REC114: variants seen among roughly 807,000 people sequenced by gnomAD.
REC114 encodes meiotic recombination protein REC114.
A neutral mutation model predicts 31.3 loss-of-function variants in REC114; 27 were observed. The observed-to-expected ratio is 0.86, with a 90% confidence interval of 0.64 to 1.19. REC114 has a LOEUF of 1.19. Among genes scored for constraint, REC114 ranks in the 50% most tolerant of loss-of-function variants. The probability of loss-of-function intolerance (pLI) is 0.00; values close to 1 mark genes in which losing one functional copy is unlikely to be tolerated. For synonymous variants in REC114, 134 were observed against 127.7 expected, an observed-to-expected ratio of 1.05 and a Z score of -0.33; for missense variants, 344 against 326.9, an observed-to-expected ratio of 1.05 and a Z score of -0.40.
intron 4 of REC114, among the ~76,000 whole-genome samples, chr15:73,551,966 A>G (rs4777611): frequency 0.98 from 148,828 of 152,322 alleles, 72,790 homozygotes; most frequent in East Asian, 1. Flanking sequence ...TTACTTGTTT[A>G]TAAGTAATTA....
In REC114 at chr15:73,443,219, G is replaced by C. The variant is rs761965215; in HGVS notation, c.34G>C (p.Gly12Arg). 10 of 1,575,792 alleles carry C rather than the reference G, an allele frequency of 6.3e-6. No homozygotes were observed. Among genetic ancestry groups the C allele is most frequent in the South Asian group, 2.3e-5 (2 of 85,616 alleles). The change falls in exon 1 of 6, where the codon GGG (glycine) becomes CGG (arginine). Residue 12 changes from glycine to arginine, a missense_variant. Gly to Arg is a moderately radical substitution (Grantham distance 125). Transcript: ENST00000331090. ...GGCAGGAAAAGTGCCCTTGAGCCTC[G>C]GGCTTACCGGAGGAGAAGCGGCAGA... The part of the protein sequence containing the change: ...AEAGKVPLSL[G>R]LTGGEAAEWP...
At chr15:73,514,119 G>A (rs990202581) in intron 2 of REC114, among the ~76,000 whole-genome samples, 26 of 152,024 alleles carry the variant, frequency 1.7e-4, no homozygotes, top group African/African-American at 5.3e-4. Context: ...AGGACCCTCC[G>A]AGCCAGGTGT....
intron 2 of REC114, among the ~76,000 whole-genome samples, chr15:73,531,637 C>T (rs1894083667): frequency 1.3e-5 from 2 of 152,006 alleles, no homozygotes; most frequent in South Asian, 4.2e-4. Flanking sequence ...AGAAATTGGC[C>T]CTCTTTCATT....
intron 1 of REC114, among the ~76,000 whole-genome samples, chr15:73,465,726 C>G (rs571127857): frequency 1.3e-5 from 2 of 152,048 alleles, no homozygotes; most frequent in Non-Finnish European, 2.9e-5. Flanking sequence ...TATTATGCAG[C>G]GGACATTCTC....
intron 2 of REC114, among the ~76,000 whole-genome samples, chr15:73,498,773 G>A (rs953394856): frequency 7.9e-5 from 12 of 152,122 alleles, no homozygotes; most frequent in Admixed American, 4.6e-4. Flanking sequence ...GGCACCTTCT[G>A]TATTCTCTAA....
chr15:73,547,092 A>G (rs778999088), intron 3 of REC114, among the ~76,000 whole-genome samples: 41 of 152,254 alleles, frequency 2.7e-4, no homozygotes, highest in Non-Finnish European at 5.1e-4. Context: ...AAGCTTCTGC[A>G]CAGCAAAGTG....
chr15:73,519,188 T>C (rs1893903089), intron 2 of REC114, among the ~76,000 whole-genome samples: 1 of 152,206 alleles, frequency 6.6e-6, no homozygotes, highest in Non-Finnish European at 1.5e-5. Flanking sequence ...AAGCATTACA[T>C]AGTATTAAGC....
chr15:73,481,024 C>T (rs1218172075), intron 2 of REC114, among the ~76,000 whole-genome samples: 2 of 152,120 alleles, frequency 1.3e-5, no homozygotes, highest in Non-Finnish European at 2.9e-5. Flanking sequence ...AAAGTTTTAG[C>T]CATTTCTGTC....
At chr15:73,520,629 C>G (rs1161573899) in intron 2 of REC114, among the ~76,000 whole-genome samples, 1 of 152,154 alleles carries the variant, frequency 6.6e-6, no homozygotes, top group African/African-American at 2.4e-5. Flanking sequence ...TCACGAACCT[C>G]CCTGCCCCAT....
At chr15:73,552,120 A>G (rs533354218) in intron 4 of REC114, among the ~76,000 whole-genome samples, 1 of 152,362 alleles carries the variant, frequency 6.6e-6, no homozygotes, top group Non-Finnish European at 1.5e-5. Context: ...TTGTAATATA[A>G]CAGTATAACA....
chr15:73,506,776 G>A (rs778846833), intron 2 of REC114, among the ~76,000 whole-genome samples: 2 of 152,170 alleles, frequency 1.3e-5, no homozygotes, highest in Non-Finnish European at 2.9e-5. Context: ...TGAAGATTAA[G>A]AGCAATACAA....
At chr15:73,529,614 T>C (rs1894049980) in intron 2 of REC114, among the ~76,000 whole-genome samples, 1 of 152,194 alleles carries the variant, frequency 6.6e-6, no homozygotes, top group Admixed American at 6.5e-5. Flanking sequence ...TCACACTGTT[T>C]TACTATTTTC....
At chr15:73,524,939 T>A (rs1239603683) in intron 2 of REC114, among the ~76,000 whole-genome samples, 1 of 152,142 alleles carries the variant, frequency 6.6e-6, no homozygotes, top group Non-Finnish European at 1.5e-5. Context: ...ACAAGTGGGA[T>A]CTAGATCCCA....
rs149144437 is a variant in REC114, at chr15:73,496,744, G to C, written c.249+22823G>C. Among the ~76,000 whole-genome samples, 139 of 151,904 alleles carry C rather than the reference G, an allele frequency of 9.2e-4. No homozygotes were observed. In the East Asian group the frequency reaches 0.019, roughly 21 times the overall value. The stretch of plus-strand genomic sequence containing the variant: ...CAAATGTTAACATTTAGCATAGAAT[G>C]GTAATCCAAACCAGGAAGTTAACAC... On this transcript the variant is annotated intron_variant, in intron 2 of 5. Coordinates refer to ENST00000331090, the MANE Select transcript of REC114 (RefSeq NM_001042367.2).
chr15:73,554,850 TTGTG>T (rs1894441484), intron 4 of REC114, among the ~76,000 whole-genome samples: 1 of 152,180 alleles, frequency 6.6e-6, no homozygotes, highest in Non-Finnish European at 1.5e-5. Flanking sequence ...CATTAGTTCT[TTGTG>T]TGAGCTGAAA....
chr15:73,512,958 G>A (rs879731060), intron 2 of REC114, among the ~76,000 whole-genome samples: 2,337 of 150,954 alleles, frequency 0.015, 32 homozygotes, highest in African/African-American at 0.049. Flanking sequence ...TCTTTGTGGC[G>A]TTCTCTGTAT....
At chr15:73,503,319 T>C in intron 2 of REC114, among the ~76,000 whole-genome samples, 1 of 152,190 alleles carries the variant, frequency 6.6e-6, no homozygotes, top group South Asian at 2.1e-4. Context: ...CTCATAGAAC[T>C]GTATACTAAA....
At chr15:73,551,384 AGT>A (rs1423262657) in intron 4 of REC114, among the ~76,000 whole-genome samples, 4 of 152,186 alleles carry the variant, frequency 2.6e-5, no homozygotes, top group Non-Finnish European at 5.9e-5. Flanking sequence ...TGGTTCTCAA[AGT>A]GTGGTCCACG....
At chr15:73,468,859 C>CT (rs1302987382) in intron 1 of REC114, among the ~76,000 whole-genome samples, 2 of 151,838 alleles carry the variant, frequency 1.3e-5, no homozygotes, top group Non-Finnish European at 2.9e-5. Flanking sequence ...TGGTGAATAA[C>CT]TTTGAGTTCA....
Sources: allele counts gnomAD v4.1 joint callset (sites outside exome capture counted in the v4.1 genomes callset), GRCh38; gene constraint gnomAD v4.1.1; transcripts MANE v1.5; gene names NCBI Gene and HGNC (gene_info 2026-07-23, HGNC 2026-07-21).